OGFOD1: variants seen among roughly 807,000 people sequenced by gnomAD.
OGFOD1 encodes the protein prolyl 3-hydroxylase OGFOD1.
In OGFOD1, 54 loss-of-function variants were observed where a neutral mutation model predicts 67.7. The ratio of observed to expected loss-of-function variants is 0.80; its 90% CI spans 0.64 to 1.00. OGFOD1 has a LOEUF of 1.00. Ranked by LOEUF, OGFOD1 falls within the 50% of genes least tolerant of loss-of-function variation. OGFOD1 has a pLI of 0.00. For missense variants in OGFOD1, 606 were observed against 646.7 expected, an observed-to-expected ratio of 0.94 and a Z score of 0.68; for synonymous variants, 221 against 227.0, an observed-to-expected ratio of 0.97 and a Z score of 0.24.
chr16:56,457,968 G>A (rs1250164558), intron 2 of OGFOD1, among the ~76,000 whole-genome samples: 3 of 152,058 alleles, frequency 2.0e-5, no homozygotes, highest in East Asian at 1.9e-4. Flanking sequence ...ATGAGCCACC[G>A]TGCCCGGCCC....
At chr16:56,461,996 G>A (rs1160014851) in intron 3 of OGFOD1, among the ~76,000 whole-genome samples, 1 of 151,878 alleles carries the variant, frequency 6.6e-6, no homozygotes, top group Non-Finnish European at 1.5e-5. Context: ...GGGAGACTGA[G>A]GCAGGAGAAT....
At position 56,470,029 on chromosome 16, in the gene OGFOD1, G is replaced by A. The variant is rs776669407; in HGVS notation, c.927G>A (p.Glu309=). ...LKPEKFTKVC[E]ALEHGHVEWS... ...CTGAGAAATTCACGAAAGTCTGTGA[G>A]GCCTTGGAGCATGGACATGTGGAAT... Residue 309 remains glutamate (E), a synonymous_variant, in exon 9 of 13, where the codon GAG becomes GAA. Transcript: ENST00000566157. 6.2e-7 allele frequency: 1 copy of A among 1,614,028 alleles called. No individual in the cohort carries two copies. The highest frequency in any genetic ancestry group is 8.5e-7 in the Non-Finnish European group (1 of 1,180,016).
At chr16:56,463,682 A>C (rs1460033329) in intron 4 of OGFOD1, among the ~76,000 whole-genome samples, 2 of 150,238 alleles carry the variant, frequency 1.3e-5, no homozygotes, top group Non-Finnish European at 3.0e-5. Context: ...TTTGCCTCCC[A>C]AAATAGTGGG....
intron 2 of OGFOD1, chr16:56,454,702 A>G (rs1159218437): frequency 3.0e-5 from 11 of 369,402 alleles, no homozygotes; most frequent in Middle Eastern, 7.1e-4. Flanking sequence ...TTTTTTTTGC[A>G]TTTTCCCATT....
At chr16:56,471,490 CACTCCTGTGA>C (rs1356821357) in intron 10 of OGFOD1, among the ~76,000 whole-genome samples, 5 of 152,136 alleles carry the variant, frequency 3.3e-5, no homozygotes, top group African/African-American at 4.8e-5. Context: ...TAAGAGGTAA[CACTCCTGTGA>C]AAATATTGGC....
intron 2 of OGFOD1, chr16:56,454,710 A>G (rs938127674): frequency 5.3e-6 from 2 of 375,010 alleles, no homozygotes; most frequent in African/African-American, 2.2e-5. Flanking sequence ...GCATTTTCCC[A>G]TTTTATTTTA....
chr16:56,478,651 A>C lies in OGFOD1; in HGVS notation c.*2446A>C, dbSNP rs1963580484. 1 of 152,234 alleles carries C rather than the reference A, an allele frequency of 6.6e-6. No homozygotes were observed. The highest frequency in any genetic ancestry group is 1.5e-5 in the Non-Finnish European group (1 of 68,046). 9.4% of individuals were successfully genotyped at this position (152,234 alleles called of 1,614,324 possible). A position where few individuals can be genotyped will look rare whatever the true frequency, so the allele number is the denominator to read the frequency against. On this transcript the variant is annotated 3_prime_UTR_variant, in exon 13 of 13. Coordinates refer to ENST00000566157, the MANE Select transcript of OGFOD1 (RefSeq NM_018233.4). The stretch of plus-strand genomic sequence containing the variant: ...AGACTCATGGCTGTAGGCACCATCC[A>C]AGGCCAATTTTCCAATTCTGGAAAG...
chr16:56,470,589 A>C lies in OGFOD1; in HGVS notation c.1083A>C (p.Thr361=). 6.2e-7 allele frequency: 1 copy of C among 1,614,224 alleles called. No homozygotes were observed. Among genetic ancestry groups the C allele is most frequent in the East Asian group, 2.2e-5 (1 of 44,886 alleles). ...EALFLLLSNF[T]GLKLHFLAPS... ...TATTCTTGCTGCTCTCCAACTTCAC[A>C]GGCCTGAAGCTTCATTTCTTGGCCC... The change falls in exon 10 of 13, where the codon ACA becomes ACC. Residue 361 remains threonine, a synonymous_variant. Transcript: ENST00000566157.
chr16:56,470,060 A>G lies in OGFOD1; in HGVS notation c.958A>G (p.Ser320Gly). ...GGAGCATGGACATGTGGAATGGAGC[A>G]GCCGAGGTCCCCCTAACAAAAGGTA... ...ALEHGHVEWSSRGPPNKRFYE... is the reference protein window; with the variant it reads ...ALEHGHVEWSGRGPPNKRFYE... The change falls in exon 9 of 13, where the codon AGC becomes GGC. Residue 320 changes from serine to glycine, a missense_variant. Coordinates refer to ENST00000566157, the MANE Select transcript of OGFOD1 (RefSeq NM_018233.4). 3.1e-6 allele frequency: 5 copies of G among 1,614,106 alleles called. No individual in the cohort carries two copies. Among genetic ancestry groups the G allele is most frequent in the Non-Finnish European group, 4.2e-6 (5 of 1,179,982 alleles).
intron 4 of OGFOD1, among the ~76,000 whole-genome samples, chr16:56,464,212 A>T (rs1962820078): frequency 6.6e-6 from 1 of 152,144 alleles, no homozygotes; most frequent in Non-Finnish European, 1.5e-5. Context: ...TTTTGGCAGG[A>T]TTACAGAAAT....
intron 10 of OGFOD1, among the ~76,000 whole-genome samples, chr16:56,472,486 CT>C (rs372176368): frequency 2.0e-5 from 3 of 152,144 alleles, no homozygotes; most frequent in African/African-American, 7.2e-5. Flanking sequence ...AGCTATAAAG[CT>C]TGGCAAAAGC....
In OGFOD1 at chr16:56,451,690, T is replaced by A; in HGVS notation, c.78T>A (p.Phe26Leu). ...GAAAGAAGGAGGTGATGGCGGAGTT[T>A]TCGGACGCTGTTACGGAAGAAACCT... The part of the protein sequence containing the change: ...KKGKKEVMAE[F>L]SDAVTEETLK... Residue 26 changes from phenylalanine to leucine, a missense_variant, in exon 1 of 13, where the codon TTT becomes TTA. By Grantham distance (22) the Phe-to-Leu change is conservative (BLOSUM62 0). Coordinates refer to ENST00000566157, the MANE Select transcript of OGFOD1 (RefSeq NM_018233.4). The A allele has an allele frequency of 1.9e-6, 3 of 1,614,086 alleles. No homozygotes were observed. The highest frequency in any genetic ancestry group is 2.5e-6 in the Non-Finnish European group (3 of 1,180,008).
chr16:56,472,249 C>G (rs1004193922), intron 10 of OGFOD1, among the ~76,000 whole-genome samples: 1 of 152,016 alleles, frequency 6.6e-6, no homozygotes, highest in South Asian at 2.1e-4. Context: ...TGATTACAAG[C>G]GTGACCAATC....
rs183077684 is a variant in OGFOD1, at chr16:56,451,784, G to T, written c.154+18G>T. ...CAGTCACGGTAACCGGGTGCTCTCA[G>T]GGAGGGGCCGCCACGCAGAGGTCTA... On this transcript the variant is annotated intron_variant, in intron 1 of 12. Transcript: ENST00000566157. The T allele has an allele frequency of 1.9e-3, 3,074 of 1,611,060 alleles. 112 individuals are homozygous for T. The Admixed American group carries it at 0.049, about 26-fold the overall frequency.
chr16:56,452,818 A>AT lies in OGFOD1; in HGVS notation c.155-435dup, dbSNP rs201185944. On this transcript the variant is annotated intron_variant, in intron 1 of 12. Coordinates refer to ENST00000566157, the MANE Select transcript of OGFOD1 (RefSeq NM_018233.4). ...AGGTGGTTATGCCCGAACTGAACTG[A>AT]TTTTTTTTTTAAGTACAGTAAGTAG... is the stretch of plus-strand genomic sequence containing the variant. Among the ~76,000 whole-genome samples the AT allele has an allele frequency of 6.1e-3, 914 of 150,464 alleles. 10 individuals are homozygous for AT. Among genetic ancestry groups the AT allele is most frequent in the African/African-American group, 0.02 (838 of 41,080 alleles).
At chr16:56,453,871 C>T (rs373543672) in intron 2 of OGFOD1, among the ~76,000 whole-genome samples, 5 of 152,162 alleles carry the variant, frequency 3.3e-5, no homozygotes, top group East Asian at 1.9e-4. Context: ...TTAATAGCAA[C>T]GTGATCTTTC....
intron 3 of OGFOD1, among the ~76,000 whole-genome samples, chr16:56,461,945 T>C (rs1482613861): frequency 6.6e-6 from 1 of 151,854 alleles, no homozygotes; most frequent in Non-Finnish European, 1.5e-5. Flanking sequence ...ATATAAAAAT[T>C]AGCCGGGCGT....
intron 11 of OGFOD1, 46 bp from the exon 12 acceptor site, chr16:56,475,461 C>T: frequency 6.4e-7 from 1 of 1,574,794 alleles, no homozygotes; most frequent in Non-Finnish European, 8.7e-7. Flanking sequence ...TGGTGCGACT[C>T]TTTCAATAGG....
chr16:56,470,969 CAG>C (rs1963144738), intron 10 of OGFOD1, among the ~76,000 whole-genome samples, 178 bp downstream of exon 10: 1 of 152,040 alleles, frequency 6.6e-6, no homozygotes, highest in African/African-American at 2.4e-5. Context: ...TAGAAGAAGA[CAG>C]AGATTAAATG....
Sources: gnomAD v4.1 joint callset for allele counts (sites outside exome capture counted in the v4.1 genomes callset) on GRCh38, gnomAD v4.1.1 for gene constraint, MANE v1.5 for transcripts, NCBI Gene and HGNC (gene_info 2026-07-23, HGNC 2026-07-21) for gene names.